The following WNT3 variants were observed in gnomAD, a reference collection of about 807,000 sequenced individuals.
WNT3 encodes Wnt family member 3, also known as proto-oncogene Wnt-3.
WNT3 carries 7 observed loss-of-function variants against 34.2 expected under a neutral mutation model. That is an observed-to-expected ratio of 0.20 (90% CI 0.12 to 0.38). The LOEUF is 0.38. Among genes scored for constraint, WNT3 ranks in the 10% least tolerant of loss-of-function variants. The probability of loss-of-function intolerance (pLI) is 1.00; values close to 1 mark genes in which losing one functional copy is unlikely to be tolerated. For missense variants in WNT3, 267 were observed against 499.8 expected (o/e 0.53, Z 4.44); for synonymous variants, 212 against 211.5 (o/e 1.00, Z -0.02).
At position 46,763,837 on chromosome 17, in the gene WNT3, A is replaced by AC. The variant is rs979490074; in HGVS notation, c.*792_*793insG. The AC allele has an allele frequency of 6.3e-5, 9 of 143,668 alleles. No individual in the cohort carries two copies. The East Asian group carries it at 1.5e-3, about 25-fold the overall frequency. 8.9% of individuals were successfully genotyped at this position (143,668 alleles called of 1,614,324 possible). A position where few individuals can be genotyped will look rare whatever the true frequency, so the allele number is the denominator to read the frequency against. On this transcript the variant is annotated 3_prime_UTR_variant, in exon 5 of 5. Transcript: ENST00000225512. ...TTACAAGGTCCACTACCACCAAAAA[A>AC]AAAAAAAAACAAAAAAACAAAAAAA...
chr17:46,799,472 G>A (rs1387886057), intron 1 of WNT3, among the ~76,000 whole-genome samples: 3 of 144,748 alleles, frequency 2.1e-5, no homozygotes, highest in Non-Finnish European at 4.5e-5. Context: ...TTTCGAGATG[G>A]AGTCTCACTC....
chr17:46,771,624 C>T (rs1423578369), intron 2 of WNT3, among the ~76,000 whole-genome samples: 1 of 146,564 alleles, frequency 6.8e-6, no homozygotes, highest in Non-Finnish European at 1.5e-5. Flanking sequence ...ACCGCATTAC[C>T]CGCATAATGC....
intron 1 of WNT3, among the ~76,000 whole-genome samples, chr17:46,787,481 T>A (rs2059518386): frequency 6.6e-6 from 1 of 152,174 alleles, no homozygotes; most frequent in Non-Finnish European, 1.5e-5. Context: ...GCGATGTGCC[T>A]TCCCTGCTGT....
intron 1 of WNT3, among the ~76,000 whole-genome samples, chr17:46,798,175 C>T (rs1386769634): frequency 6.6e-6 from 1 of 152,168 alleles, no homozygotes; most frequent in Non-Finnish European, 1.5e-5. Context: ...GTGATCCTCC[C>T]GCCTCGGCCT....
intron 1 of WNT3, among the ~76,000 whole-genome samples, chr17:46,778,513 A>G (rs985220793): frequency 2.0e-5 from 3 of 152,100 alleles, no homozygotes; most frequent in Admixed American, 6.5e-5. Flanking sequence ...CCCTTCCCCA[A>G]ACATGCCCGG....
intron 1 of WNT3, among the ~76,000 whole-genome samples, chr17:46,800,434 C>T (rs572860202): frequency 6.6e-6 from 1 of 152,340 alleles, no homozygotes; most frequent in Admixed American, 6.5e-5. Flanking sequence ...CCTAACTGTG[C>T]TCCTGCAACA....
chr17:46,763,206 C>G lies in WNT3; in HGVS notation c.*1424G>C, dbSNP rs1007783266. ...AGAAAAATCTTTGTTCTGCTCATTC[C>G]CCTGCTGCATCTCTTCTTTCTGATT... On this transcript the variant is annotated 3_prime_UTR_variant, in exon 5 of 5. Transcript: ENST00000225512. 5.3e-5 allele frequency: 8 copies of G among 152,114 alleles called. No individual in the cohort carries two copies. The highest frequency in any genetic ancestry group is 1.2e-4 in the Non-Finnish European group (8 of 68,040). 9.4% of individuals were successfully genotyped at this position (152,114 alleles called of 1,614,324 possible).
chr17:46,801,937 C>T (rs957695804), intron 1 of WNT3, among the ~76,000 whole-genome samples: 2 of 152,204 alleles, frequency 1.3e-5, no homozygotes, highest in Non-Finnish European at 2.9e-5. Flanking sequence ...GACCACTCAA[C>T]GAAGCCTCAT....
intron 1 of WNT3, among the ~76,000 whole-genome samples, chr17:46,790,378 C>A (rs139780636): frequency 6.6e-6 from 1 of 152,190 alleles, no homozygotes; most frequent in Non-Finnish European, 1.5e-5. Flanking sequence ...AGCTTAGAAA[C>A]AAGGCTGCCT....
At chr17:46,806,258 C>T (rs1315148199) in intron 1 of WNT3, among the ~76,000 whole-genome samples, 1 of 124,286 alleles carries the variant, frequency 8.0e-6, no homozygotes, top group Admixed American at 1.1e-4. Context: ...ATTGCCCAGG[C>T]TGGAGTGCAA....
chr17:46,788,278 T>C (rs2083932811), intron 1 of WNT3, among the ~76,000 whole-genome samples: 1 of 152,212 alleles, frequency 6.6e-6, no homozygotes, highest in Non-Finnish European at 1.5e-5. Flanking sequence ...CATTTTAACC[T>C]TGTAACATTT....
chr17:46,810,295 C>G (rs891551249), intron 1 of WNT3, among the ~76,000 whole-genome samples: 3 of 152,118 alleles, frequency 2.0e-5, no homozygotes, highest in African/African-American at 4.8e-5. Context: ...GGCGTAAGCC[C>G]CATGCCCAGC....
chr17:46,779,103 A>ACACACACACCCCCCC (rs749719578), intron 1 of WNT3, among the ~76,000 whole-genome samples: 12 of 133,654 alleles, frequency 9.0e-5, no homozygotes, highest in East Asian at 7.7e-4. Flanking sequence ...ACACACACAC[A>ACACACACACCCCCCC]CCCCAGCCCA....
chr17:46,810,487 G>A (rs2084260132), intron 1 of WNT3, among the ~76,000 whole-genome samples: 1 of 152,188 alleles, frequency 6.6e-6, no homozygotes. Flanking sequence ...TGGTCACGGG[G>A]CATGCCCACA....
chr17:46,792,529 A>G (rs946992622), intron 1 of WNT3, among the ~76,000 whole-genome samples: 1 of 152,104 alleles, frequency 6.6e-6, no homozygotes, highest in Non-Finnish European at 1.5e-5. Context: ...GCTGGAGTGC[A>G]ATGGTGCCGT....
intron 1 of WNT3, among the ~76,000 whole-genome samples, chr17:46,807,408 G>A (rs1041175938): frequency 6.6e-6 from 1 of 152,190 alleles, no homozygotes; most frequent in African/African-American, 2.4e-5. Context: ...CTTGAACCCG[G>A]GAGGCGGAGG....
At chr17:46,803,020 C>G (rs1300831228) in intron 1 of WNT3, among the ~76,000 whole-genome samples, 1 of 152,144 alleles carries the variant, frequency 6.6e-6, no homozygotes, top group African/African-American at 2.4e-5. Flanking sequence ...GGGAGGCTGT[C>G]CTGGGAACTA....
At chr17:46,787,002 A>G (rs1469707132) in intron 1 of WNT3, among the ~76,000 whole-genome samples, 1 of 151,900 alleles carries the variant, frequency 6.6e-6, no homozygotes, top group East Asian at 1.9e-4. Context: ...CAGTGGCACA[A>G]TCACAGCTTA....
chr17:46,791,213 T>A (rs770527394), intron 1 of WNT3, among the ~76,000 whole-genome samples: 6 of 151,806 alleles, frequency 4.0e-5, no homozygotes, highest in Admixed American at 2.6e-4. Context: ...TCGCTTTCCT[T>A]ACTCTTTTTT....
Sources: allele counts gnomAD v4.1 joint callset (sites outside exome capture counted in the v4.1 genomes callset), GRCh38; gene constraint gnomAD v4.1.1; transcripts MANE v1.5; gene names NCBI Gene and HGNC (gene_info 2026-07-23, HGNC 2026-07-21).